Variants in PCSK5 observed in about 807,000 individuals in gnomAD.
PCSK5 encodes the protein proprotein convertase subtilisin/kexin type 5, also known as prohormone convertase 5.
A neutral mutation model predicts 233.2 loss-of-function variants in PCSK5; 129 were observed. The ratio of observed to expected loss-of-function variants is 0.55; its 90% CI spans 0.48 to 0.64. PCSK5 has a LOEUF of 0.64. Among genes scored for constraint, PCSK5 ranks in the 30% least tolerant of loss-of-function variants. PCSK5 has a pLI of 0.00. For missense variants in PCSK5, 2,076 were observed against 2,430.1 expected (o/e 0.85, Z 3.06); for synonymous variants, 825 against 879.2 (o/e 0.94, Z 1.09).
At chr9:76,210,975 G>T (rs182428403) in intron 20 of PCSK5, among the ~76,000 whole-genome samples, 2 of 152,300 alleles carry the variant, frequency 1.3e-5, no homozygotes, top group East Asian at 3.9e-4. Flanking sequence ...CACTCACCTA[G>T]ATTGGAAGCA....
At chr9:76,169,927 T>A (rs1823260209) in intron 13 of PCSK5, 87 bp downstream of exon 13, 6 of 1,036,426 alleles carry the variant, frequency 5.8e-6, no homozygotes, top group Non-Finnish European at 8.8e-6. Flanking sequence ...CACTCACATA[T>A]TAGCATCTTT....
chr9:76,026,892 G>A, intron 4 of PCSK5, 69 bp from the exon 5 acceptor site: 1 of 1,003,592 alleles, frequency 1.0e-6, no homozygotes, highest in Non-Finnish European at 1.5e-6. Context: ...AAATGCATGA[G>A]CCTGTGGGTC....
chr9:75,982,061 C>G (rs1826298802), intron 2 of PCSK5, among the ~76,000 whole-genome samples: 3 of 152,210 alleles, frequency 2.0e-5, no homozygotes, highest in South Asian at 4.1e-4. Flanking sequence ...AGAGAGATGC[C>G]AAAAATATAG....
At chr9:76,321,342 A>G in intron 30 of PCSK5, 80 bp from the exon 31 acceptor site, 1 of 764,400 alleles carries the variant, frequency 1.3e-6, no homozygotes, top group Non-Finnish European at 2.3e-6. Flanking sequence ...TTGTTTTTAG[A>G]CCTAATTCCT....
chr9:76,125,897 G>A (rs563651560), intron 9 of PCSK5, among the ~76,000 whole-genome samples: 4 of 152,272 alleles, frequency 2.6e-5, no homozygotes, highest in African/African-American at 9.6e-5. Context: ...ACAAAATGAT[G>A]CAGGACTAGC....
At chr9:76,213,107 G>A (rs1193817622) in intron 20 of PCSK5, among the ~76,000 whole-genome samples, 1 of 152,160 alleles carries the variant, frequency 6.6e-6, no homozygotes, top group Non-Finnish European at 1.5e-5. Flanking sequence ...AAGCCCCACG[G>A]GGTTTCACCG....
At position 76,349,360 on chromosome 9, in the gene PCSK5, C is replaced by T. The variant is rs1830062695; in HGVS notation, c.4967-1468C>T. The stretch of plus-strand genomic sequence containing the variant: ...GGAAATAGGAGAAGATTGATTCTTC[C>T]ATCAGAGACCACAATAACGTTCCAG... On this transcript the variant is annotated intron_variant, in intron 35 of 37. Coordinates refer to ENST00000674117, the MANE Select transcript of PCSK5 (RefSeq NM_001372043.1). Among the ~76,000 whole-genome samples, 3 of 151,714 alleles carry T rather than the reference C, an allele frequency of 2.0e-5. No homozygotes were observed. In the South Asian group the frequency reaches 6.2e-4, roughly 32 times the overall value.
chr9:75,908,538 C>T (rs924247803), intron 1 of PCSK5, among the ~76,000 whole-genome samples: 1 of 151,956 alleles, frequency 6.6e-6, no homozygotes, highest in African/African-American at 2.4e-5. Flanking sequence ...TCTTCTCTTT[C>T]CTCCTCTTCC....
At chr9:76,099,049 G>T (rs371886589) in intron 8 of PCSK5, among the ~76,000 whole-genome samples, 1 of 152,262 alleles carries the variant, frequency 6.6e-6, no homozygotes, top group East Asian at 1.9e-4. Flanking sequence ...ATTTTTGCTT[G>T]TGATTTCAAA....
chr9:76,151,655 A>G (rs140114917), intron 10 of PCSK5, among the ~76,000 whole-genome samples: 9 of 152,302 alleles, frequency 5.9e-5, no homozygotes, highest in Admixed American at 4.6e-4. Context: ...CCAAATATGG[A>G]TCACTTTCCC....
chr9:76,012,670 C>T (rs1258463231), intron 3 of PCSK5, among the ~76,000 whole-genome samples: 1 of 152,072 alleles, frequency 6.6e-6, no homozygotes, highest in Non-Finnish European at 1.5e-5. Flanking sequence ...AAAAGCATAA[C>T]GATGAGTTAT....
chr9:76,023,317 A>G (rs756730002), intron 3 of PCSK5, among the ~76,000 whole-genome samples: 13 of 152,046 alleles, frequency 8.6e-5, no homozygotes, highest in Non-Finnish European at 1.3e-4. Context: ...CTGGAGATCT[A>G]TGTTTTTACA....
At chr9:75,984,502 T>C (rs542302352) in intron 2 of PCSK5, among the ~76,000 whole-genome samples, 1 of 152,322 alleles carries the variant, frequency 6.6e-6, no homozygotes, top group East Asian at 1.9e-4. Flanking sequence ...AGCATGCAAA[T>C]ATGAACTAGT....
chr9:76,151,034 G>A (rs1335404961), intron 10 of PCSK5, among the ~76,000 whole-genome samples: 1 of 151,380 alleles, frequency 6.6e-6, no homozygotes, highest in African/African-American at 2.4e-5. Context: ...CTATACTTAG[G>A]TGTTTACATT....
chr9:76,329,150 A>G (rs1341625685), intron 33 of PCSK5, among the ~76,000 whole-genome samples: 2 of 150,750 alleles, frequency 1.3e-5, no homozygotes, highest in Non-Finnish European at 3.0e-5. Context: ...TTGTTTTAAG[A>G]GACAAGTTGG....
chr9:76,094,426 G>A (rs1831422536), intron 7 of PCSK5, among the ~76,000 whole-genome samples: 1 of 152,094 alleles, frequency 6.6e-6, no homozygotes, highest in South Asian at 2.1e-4. Flanking sequence ...CTTCCAATTT[G>A]CCTTCTAGCT....
chr9:76,203,311 ACAG>A (rs1297306623), intron 20 of PCSK5, among the ~76,000 whole-genome samples: 1 of 152,108 alleles, frequency 6.6e-6, no homozygotes, highest in Non-Finnish European at 1.5e-5. Context: ...GTCTAGTGTG[ACAG>A]CAGATTTCTA....
intron 24 of PCSK5, among the ~76,000 whole-genome samples, chr9:76,285,546 C>G (rs1257760319): frequency 3.3e-5 from 5 of 151,998 alleles, no homozygotes; most frequent in Non-Finnish European, 5.9e-5. Flanking sequence ...GTTTCAATAG[C>G]AAGTGGTAGG....
Position 76,089,413 on chromosome 9 carries a change from G to T in PCSK5, c.895-6477G>T, listed in dbSNP as rs137856528. 1.6e-4 allele frequency among the ~76,000 whole-genome samples: 24 copies of T among 152,234 alleles called. No homozygotes were observed. The East Asian group carries it at 4.6e-3, about 29-fold the overall frequency. ...AGGTTCTGATCAGATGCAGGGTCTC[G>T]ACCTCTTGTCTCTACCACGTCCTAG... On this transcript the variant is annotated intron_variant, in intron 7 of 37. Coordinates refer to ENST00000674117, the MANE Select transcript of PCSK5 (RefSeq NM_001372043.1).
Sources: gnomAD v4.1 joint callset for allele counts (sites outside exome capture counted in the v4.1 genomes callset) on GRCh38, gnomAD v4.1.1 for gene constraint, MANE v1.5 for transcripts, NCBI Gene and HGNC (gene_info 2026-07-23, HGNC 2026-07-21) for gene names.